ZNF341: variants seen among roughly 807,000 people sequenced by gnomAD.
The protein encoded by ZNF341 is zinc finger protein 341.
ZNF341 carries 52 observed loss-of-function variants against 87.7 expected under a neutral mutation model. That is an observed-to-expected ratio of 0.59 (90% CI 0.47 to 0.75). ZNF341 has a LOEUF of 0.75. Among genes scored for constraint, ZNF341 ranks in the 30% least tolerant of loss-of-function variants. The pLI, the probability that ZNF341 is intolerant of heterozygous loss-of-function variation, is 0.00. For missense variants in ZNF341, 977 were observed against 1,145.9 expected, an observed-to-expected ratio of 0.85 and a Z score of 2.13; for synonymous variants, 459 against 472.7, an observed-to-expected ratio of 0.97 and a Z score of 0.38.
intron 1 of ZNF341, among the ~76,000 whole-genome samples, chr20:33,733,305 G>A (rs1039107735): frequency 4.0e-5 from 6 of 148,498 alleles, no homozygotes; most frequent in Non-Finnish European, 7.4e-5. Flanking sequence ...TGCAACCTCC[G>A]CTTCCCGGGG....
chr20:33,763,649 C>G (rs372638906), intron 8 of ZNF341, among the ~76,000 whole-genome samples: 36 of 152,178 alleles, frequency 2.4e-4, no homozygotes, highest in African/African-American at 8.2e-4. Flanking sequence ...TGCTCAGAAT[C>G]TGTTTTCTAT....
intron 4 of ZNF341, 67 bp from the exon 5 acceptor site, chr20:33,753,105 C>T: frequency 6.3e-7 from 1 of 1,590,438 alleles, no homozygotes; most frequent in Non-Finnish European, 8.5e-7. Context: ...AGCAAATGTC[C>T]TTCCTTCCTG....
At chr20:33,789,322 C>T (rs537176404) in intron 13 of ZNF341, among the ~76,000 whole-genome samples, 196 bp from the exon 14 acceptor site, 21 of 152,128 alleles carry the variant, frequency 1.4e-4, no homozygotes, top group Admixed American at 1.1e-3. Context: ...AGATTACAGG[C>T]GTGAGCCACT....
At chr20:33,790,805 A>AGGAGAGCGAGTGTGGCTGGCGC (rs2019994904) in intron 14 of ZNF341, among the ~76,000 whole-genome samples, 183 bp from the exon 15 acceptor site, 1 of 152,188 alleles carries the variant, frequency 6.6e-6, no homozygotes, top group Admixed American at 6.5e-5. Context: ...GGCATCTCTG[A>AGGAGAGCGAGTGTGGCTGGCGC]GGAGAGCGAG....
chr20:33,752,023 G>A (rs2019066237), intron 4 of ZNF341: 1 of 364,628 alleles, frequency 2.7e-6, no homozygotes, highest in Non-Finnish European at 5.3e-6. Flanking sequence ...AGTGCCCCAG[G>A]TGGGCAAAAT....
intron 9 of ZNF341, 90 bp downstream of exon 9, chr20:33,767,131 A>G: frequency 6.9e-7 from 1 of 1,450,630 alleles, no homozygotes; most frequent in Non-Finnish European, 9.4e-7. Context: ...AGAAAGGGGT[A>G]GGAACCAGTG....
At chr20:33,764,378 A>G (rs1257754887) in intron 8 of ZNF341, among the ~76,000 whole-genome samples, 1 of 150,752 alleles carries the variant, frequency 6.6e-6, no homozygotes, top group Non-Finnish European at 1.5e-5. Flanking sequence ...AAATAATCTT[A>G]AATAAATAAA....
rs117299074 is a variant in ZNF341 at position 33,759,383 on chromosome 20, C to A, written c.1028+577C>A. Among the ~76,000 whole-genome samples the A allele has an allele frequency of 3.1e-3, 468 of 152,286 alleles. 1 individual carries two copies. The highest frequency in any genetic ancestry group is 5.7e-3 in the Non-Finnish European group (389 of 68,024). On this transcript the variant is annotated intron_variant, in intron 7 of 14. Transcript: ENST00000375200. The stretch of plus-strand genomic sequence containing the variant: ...CACTGCAACCTCTGACTCCTGGGTT[C>A]ATGTGATTCCACTGCCTCAGCCTCC...
Position 33,767,012 on chromosome 20 carries a change from T to G in ZNF341, c.1384T>G (p.Ser462Ala), listed in dbSNP as rs1395242447. 1 of 1,613,916 alleles carries G rather than the reference T, an allele frequency of 6.2e-7. No individual in the cohort carries two copies. Among genetic ancestry groups the G allele is most frequent in the Non-Finnish European group, 8.5e-7 (1 of 1,179,892 alleles). The change falls in exon 9 of 15, where the codon TCT (serine) becomes GCT (alanine). Residue 462 changes from serine (S) to alanine (A), a missense_variant. By Grantham distance (99) the Ser-to-Ala change is moderately conservative. Around this residue, in one of 3 missense-constraint regions of ZNF341, gnomAD observed 241 missense variants for 335.0 expected, o/e 0.72. Coordinates refer to ENST00000375200, the MANE Select transcript of ZNF341 (RefSeq NM_001282933.2). ...SKFSTYFQLK[S>A]HMTQHKNEQV... ...ATTCAGCACCTACTTCCAGCTCAAG[T>G]CTCACATGACCCAGCATAAGAATGA...
intron 10 of ZNF341, among the ~76,000 whole-genome samples, chr20:33,778,936 G>A (rs2122721954): frequency 6.6e-6 from 1 of 152,266 alleles, no homozygotes; most frequent in Non-Finnish European, 1.5e-5. Flanking sequence ...AGTGGTTGGT[G>A]GCCTGAGACT....
At chr20:33,740,813 A>G in intron 1 of ZNF341, 89 bp from the exon 2 acceptor site, 1 of 1,194,224 alleles carries the variant, frequency 8.4e-7, no homozygotes, top group Non-Finnish European at 1.2e-6. Context: ...CAGCCGCCAC[A>G]GGGGTTTTGC....
rs1192219934 is a variant in ZNF341 at position 33,766,040 on chromosome 20, G to A, written c.1223-811G>A. ...TGGGATTACAGGTGTGCGTCACCAC[G>A]CCCAGATAATTTTTTTGTATTTTTG... On this transcript the variant is annotated intron_variant, in intron 8 of 14. Coordinates refer to ENST00000375200, the MANE Select transcript of ZNF341 (RefSeq NM_001282933.2). 2.0e-5 allele frequency among the ~76,000 whole-genome samples: 3 copies of A among 151,994 alleles called. No homozygotes were observed. In the East Asian group the frequency reaches 5.8e-4, roughly 29 times the overall value.
intron 1 of ZNF341, among the ~76,000 whole-genome samples, chr20:33,733,423 G>C (rs1331641533): frequency 1.3e-5 from 2 of 150,390 alleles, no homozygotes; most frequent in African/African-American, 4.9e-5. Context: ...ATTTTAAGTA[G>C]AGACGGGGTT....
chr20:33,767,149 C>A, intron 9 of ZNF341, 108 bp downstream of exon 9: 1 of 1,262,746 alleles, frequency 7.9e-7, no homozygotes, highest in Admixed American at 2.2e-5. Flanking sequence ...GTGAGTCAGA[C>A]CTTCCACGGC....
At chr20:33,772,032 A>AAAAAAAAAAAAAAAAAAAAAG (rs1249448886) in intron 10 of ZNF341, among the ~76,000 whole-genome samples, 1 of 150,670 alleles carries the variant, frequency 6.6e-6, no homozygotes, top group Non-Finnish European at 1.5e-5. Context: ...AAAAAAAAAA[A>AAAAAAAAAAAAAAAAAAAAAG]AAAGATCTTC....
In ZNF341 at chr20:33,770,209, C is replaced by T. The variant is rs761377885; in HGVS notation, c.1539C>T (p.Pro513=). The T allele has an allele frequency of 8.7e-6, 14 of 1,614,166 alleles. No homozygotes were observed. The Admixed American group carries it at 2.3e-4, about 27-fold the overall frequency. Residue 513 remains proline (P), a synonymous_variant, in exon 10 of 15, where the codon CCC becomes CCT. Transcript: ENST00000375200. The part of the protein sequence containing the change: ...YRCHLCGKDF[P]SLYDLGVHQY... ...GCCACCTCTGCGGCAAGGACTTCCC[C>T]TCGCTGTACGACCTGGGCGTGCACC...
intron 10 of ZNF341, among the ~76,000 whole-genome samples, chr20:33,778,658 C>T (rs2019674344): frequency 6.6e-6 from 1 of 152,156 alleles, no homozygotes; most frequent in Admixed American, 6.6e-5. Flanking sequence ...TTTCAGAGTG[C>T]GGTCTATGGG....
At position 33,757,248 on chromosome 20, in the gene ZNF341, C is replaced by T. The variant is rs371530162; in HGVS notation, c.842C>T (p.Pro281Leu). ...CCCAAAGGACCAAACCCCGCCGCCCCCATGACCAGCGCCACCGGGGGCACG... is the reference window on the plus strand; with the variant it reads ...CCCAAAGGACCAAACCCCGCCGCCCTCATGACCAGCGCCACCGGGGGCACG... ...FKPKGPNPAA[P>L]MTSATGGTVA... The change falls in exon 6 of 15, where the codon CCC (proline) becomes CTC (leucine). Residue 281 changes from proline (P) to leucine (L), a missense_variant. Transcript: ENST00000375200. 3.7e-6 allele frequency: 6 copies of T among 1,606,114 alleles called. No individual in the cohort carries two copies. In the African/African-American group the frequency reaches 8.1e-5, roughly 22 times the overall value.
chr20:33,748,915 C>T lies in ZNF341; in HGVS notation c.340-8C>T. 1 of 1,608,326 alleles carries T rather than the reference C, an allele frequency of 6.2e-7. No homozygotes were observed. The highest frequency in any genetic ancestry group is 8.5e-7 in the Non-Finnish European group (1 of 1,175,630). On this transcript the variant is annotated splice_polypyrimidine_tract_variant and splice_region_variant and intron_variant, in intron 3 of 14. Coordinates refer to ENST00000375200, the MANE Select transcript of ZNF341 (RefSeq NM_001282933.2). ...CGTCTCACTCATTCTCTCTCTCCCA[C>T]TGTCCAGATCTCCACATACATCACA... is the stretch of plus-strand genomic sequence containing the variant.
Sources: gnomAD v4.1 joint callset for allele counts (sites outside exome capture counted in the v4.1 genomes callset) on GRCh38, gnomAD v4.1.1 for gene constraint, gnomAD v4.1.1 regional missense constraint, MANE v1.5 for transcripts, NCBI Gene and HGNC (gene_info 2026-07-23, HGNC 2026-07-21) for gene names.